TCOF1: variants seen among roughly 807,000 people sequenced by gnomAD.
The protein encoded by TCOF1 is treacle protein.
A neutral mutation model predicts 149.0 loss-of-function variants in TCOF1; 33 were observed. The ratio of observed to expected loss-of-function variants is 0.22; its 90% CI spans 0.17 to 0.30. The LOEUF is 0.30. TCOF1 is among the 10% of genes least tolerant of loss of function. The pLI is 1.00. For synonymous variants in TCOF1, 789 were observed against 738.8 expected, an observed-to-expected ratio of 1.07 and a Z score of -1.10; for missense variants, 1,728 against 1,840.7, an observed-to-expected ratio of 0.94 and a Z score of 1.12.
At chr5:150,393,135 A>C (rs1275902446) in intron 22 of TCOF1, 9 of 599,236 alleles carry the variant, frequency 1.5e-5, no homozygotes, top group Admixed American at 3.0e-5. Context: ...TGTATTAATA[A>C]GAAATTTCCT....
chr5:150,387,551 T>C (rs1426927302), intron 17 of TCOF1, among the ~76,000 whole-genome samples: 1 of 152,220 alleles, frequency 6.6e-6, no homozygotes, highest in Non-Finnish European at 1.5e-5. Flanking sequence ...GAAGGCAGAA[T>C]TGGACATTCT....
At chr5:150,386,351 C>T (rs190602838) in intron 17 of TCOF1, among the ~76,000 whole-genome samples, 1 of 152,224 alleles carries the variant, frequency 6.6e-6, no homozygotes, top group East Asian at 1.9e-4. Flanking sequence ...ATCCCCCCTC[C>T]CTCAACTGTA....
At chr5:150,391,903 A>G in intron 20 of TCOF1, 54 bp from the exon 21 acceptor site, 1 of 1,569,584 alleles carries the variant, frequency 6.4e-7, no homozygotes, top group Non-Finnish European at 8.7e-7. Context: ...AGGAAGGACC[A>G]GGTCTTACTT....
Position 150,361,168 on chromosome 5 carries a change from G to C in TCOF1, c.121G>C (p.Ala41Pro). 6.2e-7 allele frequency: 1 copy of C among 1,614,112 alleles called. No homozygotes were observed. The highest frequency in any genetic ancestry group is 8.5e-7 in the Non-Finnish European group (1 of 1,180,022). Residue 41 changes from alanine to proline, a missense_variant, in exon 2 of 27, where the codon GCT (alanine) becomes CCT (proline). Coordinates refer to ENST00000643257, the MANE Select transcript of TCOF1 (RefSeq NM_001371623.1). ...TACCTCTCTGCAGAAGTGTTTCCTGGCTCAGCCCGTAACCCTTCTGGACAT... is the reference window on the plus strand; with the variant it reads ...TACCTCTCTGCAGAAGTGTTTCCTGCCTCAGCCCGTAACCCTTCTGGACAT... ...KEQSGQKCFLAQPVTLLDIYT... is the reference protein window; with the variant it reads ...KEQSGQKCFLPQPVTLLDIYT...
chr5:150,391,936 C>T (rs1341219319), intron 20 of TCOF1, 21 bp from the exon 21 acceptor site: 3 of 1,613,474 alleles, frequency 1.9e-6, no homozygotes, highest in Non-Finnish European at 2.5e-6. Flanking sequence ...CCTTCCATTC[C>T]TTCTCCTTTC....
Position 150,388,032 on chromosome 5 carries a change from C to G in TCOF1, c.2990C>G (p.Ser997Cys), listed in dbSNP as rs886060261. Residue 997 changes from serine to cysteine, a missense_variant, in exon 18 of 27, where the codon TCC becomes TGC. Transcript: ENST00000643257. ...GCCTCGGAGAGCACAGCCAGGAGCT[C>G]CTCCTCCGAGAGCGAGGATGAGGAC... ...ARASESTARS[S>C]SSESEDEDVI... 7 of 1,613,686 alleles carry G rather than the reference C, an allele frequency of 4.3e-6. No homozygotes were observed. Among genetic ancestry groups the G allele is most frequent in the Non-Finnish European group, 4.2e-6 (5 of 1,180,030 alleles).
chr5:150,381,711 C>CCCA (rs1424783640), intron 17 of TCOF1, among the ~76,000 whole-genome samples: 4 of 152,198 alleles, frequency 2.6e-5, no homozygotes, highest in African/African-American at 9.7e-5. Context: ...TCAGAATGGC[C>CCCA]TAATCTGTAG....
rs559129433 is a variant in TCOF1 at position 150,393,248 on chromosome 5, C to T, written c.3604-124C>T. 357 of 1,189,778 alleles carry T rather than the reference C, an allele frequency of 3.0e-4. 1 individual carries two copies. Among genetic ancestry groups the T allele is most frequent in the Non-Finnish European group, 1.2e-4 (99 of 813,450 alleles). The allele number at this position is 1,189,778 out of a possible 1,614,324, so 73.7% of individuals were successfully genotyped here. On this transcript the variant is annotated intron_variant, in intron 22 of 26. Coordinates refer to ENST00000643257, the MANE Select transcript of TCOF1 (RefSeq NM_001371623.1). ...TGTGCCTTGTTGTCCACCCACTCTG[C>T]ACTGATAGGGCAGGGTGATCCTAGA...
At chr5:150,398,120 C>T (rs1768954985) in intron 24 of TCOF1, among the ~76,000 whole-genome samples, 1 of 152,134 alleles carries the variant, frequency 6.6e-6, no homozygotes, top group South Asian at 2.1e-4. Context: ...ACAGGTCTCA[C>T]TATGTTGCCC....
At chr5:150,391,873 C>G in intron 20 of TCOF1, 84 bp from the exon 21 acceptor site, 1 of 1,383,918 alleles carries the variant, frequency 7.2e-7, no homozygotes, top group South Asian at 1.2e-5. Context: ...AACACAGTTC[C>G]TGGCCCTACT....
At chr5:150,388,838 C>T (rs927826040) in intron 18 of TCOF1, among the ~76,000 whole-genome samples, 2 of 152,140 alleles carry the variant, frequency 1.3e-5, no homozygotes, top group South Asian at 2.1e-4. Context: ...GGGTAAGCCA[C>T]GAGAATCGCT....
rs200287975 is a variant in TCOF1, at chr5:150,376,161, C to G, written c.1973C>G (p.Pro658Arg). 9.9e-6 allele frequency: 16 copies of G among 1,614,244 alleles called. No homozygotes were observed. In the Admixed American group the frequency reaches 2.7e-4, roughly 27 times the overall value. Residue 658 changes from proline to arginine, a missense_variant, in exon 13 of 27, where the codon CCT becomes CGT. This residue lies in a region of TCOF1 where 1,696 missense variants were observed against 1,765.4 expected (regional missense o/e 0.96). Coordinates refer to ENST00000643257, the MANE Select transcript of TCOF1 (RefSeq NM_001371623.1). ...ACCACTGCATCTGCCAAGGTCGCCC[C>G]TGTGCGAGTGGGCACCCAAGCCCCC... ...TNTTASAKVA[P>R]VRVGTQAPRK...
intron 2 of TCOF1, among the ~76,000 whole-genome samples, chr5:150,362,520 G>A (rs559124155): frequency 2.0e-5 from 3 of 152,290 alleles, no homozygotes; most frequent in Admixed American, 2.0e-4. Flanking sequence ...GGCCCCAAAT[G>A]TACCTGCTTC....
chr5:150,384,933 A>C (rs1765970760), intron 17 of TCOF1: 1 of 985,276 alleles, frequency 1.0e-6, no homozygotes, highest in Non-Finnish European at 1.2e-6. Context: ...GCAGAGTCCC[A>C]GGCTGGGAGG....
rs566955905 is a variant in TCOF1 at position 150,367,722 on chromosome 5, A to G, written c.305-122A>G. 7.0e-6 allele frequency: 8 copies of G among 1,143,618 alleles called. No homozygotes were observed. In the East Asian group the frequency reaches 2.0e-4, roughly 29 times the overall value. 70.8% of individuals were successfully genotyped at this position (1,143,618 alleles called of 1,614,324 possible). A position where few individuals can be genotyped will look rare whatever the true frequency, so the allele number is the denominator to read the frequency against. On this transcript the variant is annotated intron_variant, in intron 3 of 26. Coordinates refer to ENST00000643257, the MANE Select transcript of TCOF1 (RefSeq NM_001371623.1). ...CCTGCAAGTCTGGGCTCAGCCTCAG[A>G]TCCTCATGCCAGCACCAGGCAGCCA...
At chr5:150,385,610 A>C (rs1319923919) in intron 17 of TCOF1, among the ~76,000 whole-genome samples, 1 of 152,154 alleles carries the variant, frequency 6.6e-6, no homozygotes, top group Non-Finnish European at 1.5e-5. Flanking sequence ...GTCCCTTGCC[A>C]GGGTCCGCAG....
intron 23 of TCOF1, chr5:150,394,148 G>C (rs530760119): frequency 6.4e-6 from 1 of 157,188 alleles, no homozygotes; most frequent in Non-Finnish European, 1.4e-5. Context: ...AGGAAGCTGC[G>C]TCTTTTGGCT....
chr5:150,371,395 C>T (rs926170457), intron 6 of TCOF1, among the ~76,000 whole-genome samples: 1 of 152,202 alleles, frequency 6.6e-6, no homozygotes, highest in Admixed American at 6.5e-5. Context: ...AAACACACAA[C>T]CTCAATGGGC....
In TCOF1 at chr5:150,375,154, T is replaced by C. The variant is rs34423526; in HGVS notation, c.1479T>C (p.Asn493=). The C allele has an allele frequency of 1.9e-6, 3 of 1,613,440 alleles. No individual in the cohort carries two copies. The highest frequency in any genetic ancestry group is 2.7e-5 in the African/African-American group (2 of 74,832). The part of the protein sequence containing the change: ...DSDREALAAM[N]AAQVKPLGKS... ...ACAGAGAGGCACTGGCAGCCATGAA[T>C]GCAGCTCAGGTGAGGCTGGAAGCCG... The change falls in exon 10 of 27, where the codon AAT becomes AAC. Residue 493 remains asparagine, a synonymous_variant. Coordinates refer to ENST00000643257, the MANE Select transcript of TCOF1 (RefSeq NM_001371623.1).
Sources: gnomAD v4.1 joint callset for allele counts (sites outside exome capture counted in the v4.1 genomes callset) on GRCh38, gnomAD v4.1.1 for gene constraint, gnomAD v4.1.1 regional missense constraint, MANE v1.5 for transcripts, NCBI Gene and HGNC (gene_info 2026-07-23, HGNC 2026-07-21) for gene names.